The following PTPRN2 variants were observed in gnomAD, a reference collection of about 807,000 sequenced individuals.
PTPRN2 encodes receptor-type tyrosine-protein phosphatase N2.
PTPRN2 carries 74 observed loss-of-function variants against 118.8 expected under a neutral mutation model. The observed-to-expected ratio is 0.62, with a 90% confidence interval of 0.52 to 0.76. The LOEUF (loss-of-function observed/expected upper bound fraction) is 0.76. Among genes scored for constraint, PTPRN2 ranks in the 30% least tolerant of loss-of-function variants. The pLI is 0.00. For synonymous variants in PTPRN2, 641 were observed against 608.0 expected (o/e 1.05, Z -0.80); for missense variants, 1,481 against 1,394.4 (o/e 1.06, Z -0.99).
At chr7:158,092,254 A>G (rs967427629) in intron 10 of PTPRN2, among the ~76,000 whole-genome samples, 4 of 144,858 alleles carry the variant, frequency 2.8e-5, no homozygotes, top group Non-Finnish European at 4.5e-5. Context: ...ACATATATAC[A>G]TGTGCATATA....
chr7:157,628,417 G>T (rs531754351), intron 14 of PTPRN2, among the ~76,000 whole-genome samples: 127 of 152,312 alleles, frequency 8.3e-4, no homozygotes, highest in Admixed American at 2.6e-3. Context: ...GAACCACCCT[G>T]TCACTCGCAG....
chr7:157,736,166 G>T (rs745695004), intron 12 of PTPRN2, among the ~76,000 whole-genome samples: 36 of 152,206 alleles, frequency 2.4e-4, no homozygotes, highest in Non-Finnish European at 4.6e-4. Flanking sequence ...ACCAGCCCGA[G>T]AACCTTCCCT....
At chr7:158,077,340 T>A (rs908573761) in intron 11 of PTPRN2, among the ~76,000 whole-genome samples, 3 of 152,140 alleles carry the variant, frequency 2.0e-5, no homozygotes, top group Non-Finnish European at 2.9e-5. Context: ...CAGGAGGACG[T>A]CACGGAAAGT....
At chr7:157,716,208 C>T (rs1040192578) in intron 12 of PTPRN2, among the ~76,000 whole-genome samples, 2 of 152,250 alleles carry the variant, frequency 1.3e-5, no homozygotes, top group East Asian at 1.9e-4. Context: ...CCTGAGTCCT[C>T]GTCCTAAGAA....
intron 20 of PTPRN2, among the ~76,000 whole-genome samples, chr7:157,571,202 TA>T (rs56184271): frequency 2.9e-4 from 37 of 129,524 alleles, no homozygotes; most frequent in East Asian, 1.5e-3. Flanking sequence ...GCAACAGAGT[TA>T]AAAAAAAAAA....
intron 12 of PTPRN2, among the ~76,000 whole-genome samples, chr7:157,840,067 CTA>C (rs1479637270): frequency 2.0e-5 from 3 of 146,596 alleles, no homozygotes; most frequent in African/African-American, 5.1e-5. Flanking sequence ...GACTGTGTAA[CTA>C]TGTGTGATTG....
At chr7:158,243,092 G>C (rs1986588) in intron 3 of PTPRN2, among the ~76,000 whole-genome samples, 2 of 152,024 alleles carry the variant, frequency 1.3e-5, no homozygotes, top group African/African-American at 2.4e-5. Context: ...CTAGTGCCTT[G>C]GGGTGTAATG....
At position 158,563,296 on chromosome 7, in the gene PTPRN2, A is replaced by G. The variant is rs1011628511; in HGVS notation, c.112+24262T>C. On this transcript the variant is annotated intron_variant, in intron 1 of 22. Coordinates refer to ENST00000389418, the MANE Select transcript of PTPRN2 (RefSeq NM_002847.5). This position sits in a 1 kb window ranked among gnomAD's most constrained non-coding sequence, Gnocchi z 5.1. ...ACCGATCCCCAGCATCAACTTCGCC[A>G]ATAGCCTTGTGCTTCTCGTTCAAAG... Among the ~76,000 whole-genome samples, 2 of 152,194 alleles carry G rather than the reference A, an allele frequency of 1.3e-5. No individual in the cohort carries two copies. Among genetic ancestry groups the G allele is most frequent in the African/African-American group, 2.4e-5 (1 of 41,446 alleles).
chr7:157,571,530 A>G (rs748397955), intron 19 of PTPRN2, 37 bp from the exon 20 acceptor site: 1 of 1,507,446 alleles, frequency 6.6e-7, no homozygotes, highest in South Asian at 1.2e-5. Context: ...ATCGTTGTGT[A>G]CTAAGACTTT....
chr7:158,333,427 A>C (rs1430532453), intron 2 of PTPRN2, among the ~76,000 whole-genome samples: 1 of 147,462 alleles, frequency 6.8e-6, no homozygotes, highest in African/African-American at 2.6e-5. Context: ...CACTGTCACC[A>C]TAAGAGGTGA....
chr7:157,747,388 C>G (rs1483201652), intron 12 of PTPRN2, among the ~76,000 whole-genome samples: 27 of 99,974 alleles, frequency 2.7e-4, no homozygotes, highest in African/African-American at 8.1e-4. Context: ...GAGCTGTGGG[C>G]TGTTGAGGTG....
intron 2 of PTPRN2, among the ~76,000 whole-genome samples, chr7:158,379,997 AG>A (rs1810844761): frequency 6.6e-6 from 1 of 152,170 alleles, no homozygotes; most frequent in Non-Finnish European, 1.5e-5. Flanking sequence ...AGTCACTATC[AG>A]GAGAACAGCA....
At chr7:158,139,507 G>A in intron 6 of PTPRN2, among the ~76,000 whole-genome samples, 1 of 151,986 alleles carries the variant, frequency 6.6e-6, no homozygotes, top group East Asian at 1.9e-4. Context: ...GGGTGGGAAA[G>A]GAACCAGAAA....
At chr7:158,337,125 G>A (rs372673481) in intron 2 of PTPRN2, among the ~76,000 whole-genome samples, 5 of 151,924 alleles carry the variant, frequency 3.3e-5, no homozygotes, top group South Asian at 4.2e-4. Flanking sequence ...GAGGCCCACA[G>A]AGGTCACTTA....
intron 19 of PTPRN2, among the ~76,000 whole-genome samples, chr7:157,574,944 G>A (rs1264413316): frequency 6.6e-6 from 1 of 152,360 alleles, no homozygotes; most frequent in East Asian, 1.9e-4. Context: ...CTACTCTGAC[G>A]TGGCTTTCAA....
chr7:157,712,584 C>A (rs1375227429), intron 12 of PTPRN2, among the ~76,000 whole-genome samples: 1 of 151,948 alleles, frequency 6.6e-6, no homozygotes, highest in Non-Finnish European at 1.5e-5. Flanking sequence ...AACCCCGTCT[C>A]TACTTAAAAT....
At chr7:157,675,369 T>G (rs949457067) in intron 13 of PTPRN2, among the ~76,000 whole-genome samples, 1 of 152,100 alleles carries the variant, frequency 6.6e-6, no homozygotes, top group African/African-American at 2.4e-5. Flanking sequence ...CACCAAGACC[T>G]GACCTTACCC....
intron 2 of PTPRN2, among the ~76,000 whole-genome samples, chr7:158,379,701 G>A (rs578090257): frequency 6.6e-6 from 1 of 152,316 alleles, no homozygotes; most frequent in South Asian, 2.1e-4. Flanking sequence ...CTCCAAGAAG[G>A]CCAAAGTCAG....
rs1177734527 is a variant in PTPRN2, at chr7:157,964,391, C to A, written c.1724-65654G>T. On this transcript the variant is annotated intron_variant, in intron 11 of 22. Transcript: ENST00000389418. This position sits in a 1 kb window ranked among gnomAD's most constrained non-coding sequence, Gnocchi z 9.0. ...AACTGCTGGGCTGGATGGTTATTAG[C>A]ATATTAGGATGACATTTGACCCTAA... Among the ~76,000 whole-genome samples, 1 of 151,260 alleles carries A rather than the reference C, an allele frequency of 6.6e-6. No individual in the cohort carries two copies. Among genetic ancestry groups the A allele is most frequent in the African/African-American group, 2.4e-5 (1 of 41,056 alleles).
Sources: gnomAD v4.1 joint callset for allele counts (sites outside exome capture counted in the v4.1 genomes callset) on GRCh38, gnomAD v4.1.1 for gene constraint, Gnocchi (gnomAD v3.1) non-coding constraint, MANE v1.5 for transcripts, NCBI Gene and HGNC (gene_info 2026-07-23, HGNC 2026-07-21) for gene names.